PAN3: variants seen among roughly 807,000 people sequenced by gnomAD.
PAN3 encodes poly(A) specific ribonuclease subunit PAN3.
A neutral mutation model predicts 96.2 loss-of-function variants in PAN3; 19 were observed. The ratio of observed to expected loss-of-function variants is 0.20; its 90% CI spans 0.14 to 0.29. The LOEUF is 0.29. Ranked by LOEUF, PAN3 falls within the 10% of genes least tolerant of loss-of-function variation. The pLI, the probability that PAN3 is intolerant of heterozygous loss-of-function variation, is 1.00. For synonymous variants in PAN3, 433 were observed against 406.6 expected, an observed-to-expected ratio of 1.06 and a Z score of -0.78; for missense variants, 882 against 1,108.1, an observed-to-expected ratio of 0.80 and a Z score of 2.90.
chr13:28,165,236 T>G (rs1873382775), intron 1 of PAN3, among the ~76,000 whole-genome samples: 2 of 152,100 alleles, frequency 1.3e-5, no homozygotes, highest in East Asian at 3.9e-4. Flanking sequence ...ATAGGATCCT[T>G]TGGTCCAAAG....
At chr13:28,199,584 A>G (rs1878458381) in intron 5 of PAN3, among the ~76,000 whole-genome samples, 1 of 152,106 alleles carries the variant, frequency 6.6e-6, no homozygotes, top group Admixed American at 6.5e-5. Flanking sequence ...ACTGAAAAAT[A>G]CTCATCTCGT....
intron 18 of PAN3, among the ~76,000 whole-genome samples, chr13:28,288,951 C>T (rs1252968619): frequency 1.3e-5 from 2 of 151,762 alleles, no homozygotes; most frequent in East Asian, 1.9e-4. Context: ...CTCAGCCTCC[C>T]AAGTAGCTGG....
intron 9 of PAN3, among the ~76,000 whole-genome samples, chr13:28,263,436 A>C (rs1033864266): frequency 2.0e-5 from 3 of 152,232 alleles, no homozygotes; most frequent in Non-Finnish European, 2.9e-5. Context: ...GGGCTCAAGC[A>C]GTCCTCCTAC....
At chr13:28,249,875 T>G (rs1250353048) in intron 6 of PAN3, among the ~76,000 whole-genome samples, 1 of 152,240 alleles carries the variant, frequency 6.6e-6, no homozygotes, top group African/African-American at 2.4e-5. Context: ...TCTCACATAT[T>G]CTTACATTCC....
At chr13:28,198,289 CAA>C (rs539191279) in intron 5 of PAN3, among the ~76,000 whole-genome samples, 20 of 124,344 alleles carry the variant, frequency 1.6e-4, no homozygotes, top group South Asian at 7.3e-4. Context: ...GATTCTGTCT[CAA>C]AAAAAAAAAA....
intron 17 of PAN3, among the ~76,000 whole-genome samples, chr13:28,281,624 A>G (rs940814446): frequency 2.6e-5 from 4 of 152,204 alleles, no homozygotes; most frequent in Non-Finnish European, 5.9e-5. Context: ...TGGTTTGCAC[A>G]TGAGGGCACA....
chr13:28,187,412 G>T (rs752398081), intron 4 of PAN3, among the ~76,000 whole-genome samples: 5 of 152,132 alleles, frequency 3.3e-5, no homozygotes, highest in Non-Finnish European at 7.3e-5. Context: ...TACGTATTGT[G>T]GTTCCAGTCT....
At chr13:28,138,386 C>G (rs957479428), upstream of PAN3, 2 of 204,728 alleles carry the variant, frequency 9.8e-6, no homozygotes, top group African/African-American at 4.7e-5. Flanking sequence ...GCGCGCTCAC[C>G]CCGTCGTCCC....
chr13:28,168,656 T>C (rs1428348009), intron 1 of PAN3, among the ~76,000 whole-genome samples: 1 of 151,478 alleles, frequency 6.6e-6, no homozygotes, highest in African/African-American at 2.4e-5. Flanking sequence ...GAGGCGGAGG[T>C]TGCAGTGAGC....
At chr13:28,283,016 A>G (rs991142774) in intron 17 of PAN3, among the ~76,000 whole-genome samples, 6 of 151,978 alleles carry the variant, frequency 3.9e-5, no homozygotes, top group Admixed American at 1.3e-4. Context: ...GATACTGTGA[A>G]TGCATACTAA....
chr13:28,280,501 C>T lies in PAN3; in HGVS notation c.2279C>T (p.Ala760Val). Residue 760 changes from alanine (A) to valine (V), a missense_variant, in exon 16 of 19, where the codon GCT (alanine) becomes GTT (valine). Physicochemically the swap from Ala to Val is moderately conservative, Grantham distance 64. Transcript: ENST00000380958. Reference protein sequence around the residue: ...GARFYTQLDAAQMRNDVIEED... With the variant: ...GARFYTQLDAVQMRNDVIEED... ...CGATTTTATACTCAATTGGATGCTG[C>T]TCAAATGAGAAATGATGTCATAGAG... 1 of 1,611,938 alleles carries T rather than the reference C, an allele frequency of 6.2e-7. No individual in the cohort carries two copies. Among genetic ancestry groups the T allele is most frequent in the Non-Finnish European group, 8.5e-7 (1 of 1,179,448 alleles).
intron 1 of PAN3, among the ~76,000 whole-genome samples, chr13:28,166,294 GAA>G (rs1873528293): frequency 2.0e-5 from 3 of 152,222 alleles, no homozygotes; most frequent in Admixed American, 1.3e-4. Flanking sequence ...TTGGAAAGAA[GAA>G]AGGGATAGCA....
At chr13:28,139,225 C>A (rs533266359) in intron 1 of PAN3, 138 bp downstream of exon 1, 1 of 1,018,754 alleles carries the variant, frequency 9.8e-7, no homozygotes, top group Non-Finnish European at 1.3e-6. Flanking sequence ...GAGGCCTAGG[C>A]CGGGCCTGAG....
intron 5 of PAN3, among the ~76,000 whole-genome samples, chr13:28,210,368 G>A (rs1243923529): frequency 6.6e-6 from 1 of 152,134 alleles, no homozygotes; most frequent in Non-Finnish European, 1.5e-5. Flanking sequence ...TTCCTCTTAA[G>A]ATTGTCAAGT....
intron 6 of PAN3, among the ~76,000 whole-genome samples, chr13:28,224,896 T>C (rs768391782): frequency 1.3e-5 from 2 of 152,298 alleles, no homozygotes; most frequent in Admixed American, 1.3e-4. Flanking sequence ...GCTAGAATTA[T>C]AGGGGTGAGC....
chr13:28,187,735 G>GT (rs1393691860), intron 4 of PAN3, among the ~76,000 whole-genome samples: 1 of 152,048 alleles, frequency 6.6e-6, no homozygotes, highest in Non-Finnish European at 1.5e-5. Flanking sequence ...ACGTATTTTT[G>GT]TTTTTTGAGG....
intron 6 of PAN3, among the ~76,000 whole-genome samples, chr13:28,239,083 A>C (rs1883365421): frequency 6.6e-6 from 1 of 151,624 alleles, no homozygotes; most frequent in Admixed American, 6.6e-5. Context: ...TATGGCGTTA[A>C]GCAGAGTTAC....
At position 28,236,003 on chromosome 13, in the gene PAN3, A is replaced by ATTAC. The variant is rs572125746; in HGVS notation, c.1000+15626_1000+15629dup. 5.9e-3 allele frequency among the ~76,000 whole-genome samples: 901 copies of ATTAC among 151,544 alleles called. 6 individuals carry two copies. Among genetic ancestry groups the ATTAC allele is most frequent in the Non-Finnish European group, 9.0e-3 (613 of 67,932 alleles). Reference sequence around the variant, plus strand: ...TGCTTCCACCTCCCAGAGTATTGGGATTACATACGTGAACCCCGTGCATGG... The same window carrying ATTAC: ...TGCTTCCACCTCCCAGAGTATTGGGATTACTTACATACGTGAACCCCGTGCATGG... On this transcript the variant is annotated intron_variant, in intron 6 of 18. Transcript: ENST00000380958.
At chr13:28,148,966 T>C (rs1212572414) in intron 1 of PAN3, among the ~76,000 whole-genome samples, 1 of 152,130 alleles carries the variant, frequency 6.6e-6, no homozygotes, top group Admixed American at 6.5e-5. Context: ...ATGTACTATG[T>C]ATATTTATTT....
Sources: allele counts gnomAD v4.1 joint callset (sites outside exome capture counted in the v4.1 genomes callset), GRCh38; gene constraint gnomAD v4.1.1; transcripts MANE v1.5; gene names NCBI Gene and HGNC (gene_info 2026-07-23, HGNC 2026-07-21).